The following CAMTA1 variants were observed in gnomAD, a reference collection of about 807,000 sequenced individuals.
CAMTA1 encodes calmodulin-binding transcription activator 1.
CAMTA1 carries 27 observed loss-of-function variants against 170.9 expected under a neutral mutation model. The ratio of observed to expected loss-of-function variants is 0.16; its 90% CI spans 0.12 to 0.22. The LOEUF (loss-of-function observed/expected upper bound fraction) is 0.22. Among genes scored for constraint, CAMTA1 ranks in the 10% least tolerant of loss-of-function variants. The pLI, the probability that CAMTA1 is intolerant of heterozygous loss-of-function variation, is 1.00. For missense variants in CAMTA1, 1,619 were observed against 2,217.2 expected (o/e 0.73, Z 5.42); for synonymous variants, 833 against 891.5 (o/e 0.93, Z 1.17).
intron 3 of CAMTA1, among the ~76,000 whole-genome samples, chr1:7,056,389 G>T (rs1707327520): frequency 6.6e-6 from 1 of 151,954 alleles, no homozygotes; most frequent in Non-Finnish European, 1.5e-5. Flanking sequence ...GGTGGGAAGG[G>T]GGCTCATGAG....
intron 5 of CAMTA1, among the ~76,000 whole-genome samples, chr1:7,427,310 A>G (rs1373323108): frequency 6.6e-6 from 1 of 152,214 alleles, no homozygotes; most frequent in Admixed American, 6.5e-5. Context: ...TTAAGAGATT[A>G]ATGCTTAGCT....
At chr1:6,786,688 T>G (rs976161199) in intron 1 of CAMTA1, among the ~76,000 whole-genome samples, 4 of 152,192 alleles carry the variant, frequency 2.6e-5, no homozygotes, top group African/African-American at 9.6e-5. Flanking sequence ...TGAGTTGCCC[T>G]CCTTTTCTTA....
At chr1:7,245,028 A>G (rs962213694) in intron 4 of CAMTA1, among the ~76,000 whole-genome samples, 4 of 151,928 alleles carry the variant, frequency 2.6e-5, no homozygotes, top group Non-Finnish European at 5.9e-5. Flanking sequence ...TGTCTGTTAG[A>G]ATATTTTTAG....
chr1:7,405,315 A>C (rs539297100), intron 5 of CAMTA1, among the ~76,000 whole-genome samples: 9 of 151,610 alleles, frequency 5.9e-5, no homozygotes, highest in African/African-American at 2.2e-4. Flanking sequence ...TCTCTCTCTG[A>C]TTTCACTATA....
chr1:7,709,394 C>T (rs1196370412), intron 11 of CAMTA1, among the ~76,000 whole-genome samples: 1 of 152,220 alleles, frequency 6.6e-6, no homozygotes, highest in Non-Finnish European at 1.5e-5. Context: ...CGTGATCCTA[C>T]TCCGTGCCTT....
chr1:7,670,829 G>A lies in CAMTA1; in HGVS notation c.2653-82G>A, dbSNP rs566288280. ...AGGGGTACAGACCCCCATCTGAGCAGTGAAGCCTCAGGGGGGCTTCCCCAT... is the reference window on the plus strand; with the variant it reads ...AGGGGTACAGACCCCCATCTGAGCAATGAAGCCTCAGGGGGGCTTCCCCAT... On this transcript the variant is annotated intron_variant, in intron 9 of 22. Transcript: ENST00000303635. The A allele has an allele frequency of 9.0e-5, 137 of 1,522,286 alleles. No homozygotes were observed. The African/African-American group carries it at 1.6e-3, about 18-fold the overall frequency. The allele number at this position is 1,522,286 out of a possible 1,614,324, so 94.3% of individuals were successfully genotyped here.
chr1:6,786,312 A>G (rs1639339537), intron 1 of CAMTA1, among the ~76,000 whole-genome samples: 1 of 151,900 alleles, frequency 6.6e-6, no homozygotes, highest in Non-Finnish European at 1.5e-5. Context: ...AGTCGTTCAC[A>G]TCCTACTCTT....
chr1:6,962,806 A>G (rs1304134839), intron 3 of CAMTA1, among the ~76,000 whole-genome samples: 1 of 51,912 alleles, frequency 1.9e-5, no homozygotes, highest in Admixed American at 2.3e-4. Context: ...GCCCGCACCC[A>G]TCTGGCTCCT....
At position 7,195,426 on chromosome 1, in the gene CAMTA1, C is replaced by T. The variant is rs963263905; in HGVS notation, c.303-54065C>T. ...GCTGAGCTTCCCTGGGCTTGGTGGC[C>T]GAGTGGAGTGAGGAGTGCAGACTCC... On this transcript the variant is annotated intron_variant, in intron 4 of 22. Coordinates refer to ENST00000303635, the MANE Select transcript of CAMTA1 (RefSeq NM_015215.4). The surrounding 1 kb of genome is among the most constrained non-coding windows in gnomAD (Gnocchi z 4.1). 5.9e-5 allele frequency among the ~76,000 whole-genome samples: 9 copies of T among 152,212 alleles called. No homozygotes were observed. Among genetic ancestry groups the T allele is most frequent in the East Asian group, 1.9e-4 (1 of 5,174 alleles).
intron 3 of CAMTA1, among the ~76,000 whole-genome samples, chr1:6,990,325 C>T (rs1417610220): frequency 6.6e-6 from 1 of 152,108 alleles, no homozygotes; most frequent in African/African-American, 2.4e-5. Context: ...TGAAAAATTT[C>T]AAACGTAAAG....
rs35095557 is a variant in CAMTA1, at chr1:7,024,028, CAAAAAA to C, written c.235-67264_235-67259del. Among the ~76,000 whole-genome samples, 5 of 96,140 alleles carry C rather than the reference CAAAAAA, an allele frequency of 5.2e-5. No homozygotes were observed. The East Asian group carries it at 8.9e-4, about 17-fold the overall frequency. The allele number at this position is 96,140 out of a possible 152,430, so 63.1% of individuals were successfully genotyped here. ...TGGGGGACAGAGCGAGACTCTGTCT[CAAAAAA>C]AAAAAAAAAAAGAAAGAAAGAAAGA... On this transcript the variant is annotated intron_variant, in intron 3 of 22. Transcript: ENST00000303635.
intron 3 of CAMTA1, among the ~76,000 whole-genome samples, chr1:7,062,811 C>A (rs1708431949): frequency 6.6e-6 from 1 of 152,202 alleles, no homozygotes; most frequent in African/African-American, 2.4e-5. Context: ...TCCTTCCTCG[C>A]CCCTCCTAGC....
intron 6 of CAMTA1, among the ~76,000 whole-genome samples, chr1:7,550,604 C>T (rs1002826520): frequency 1.3e-5 from 2 of 151,594 alleles, no homozygotes; most frequent in Non-Finnish European, 2.9e-5. Context: ...GTGATCTTTT[C>T]CTACCTGGCC....
At chr1:7,651,501 AGCCACCAGGGGC>A (rs1460526771) in intron 7 of CAMTA1, among the ~76,000 whole-genome samples, 2 of 152,250 alleles carry the variant, frequency 1.3e-5, no homozygotes, top group East Asian at 3.9e-4. Context: ...CCGTTCCAGG[AGCCACCAGGGGC>A]TGAGGCAGAC....
chr1:7,053,329 C>G (rs1186396957), intron 3 of CAMTA1, among the ~76,000 whole-genome samples: 1 of 152,198 alleles, frequency 6.6e-6, no homozygotes, highest in African/African-American at 2.4e-5. Context: ...AGAGCTTCAT[C>G]GAAGCTCTAT....
chr1:7,279,115 G>A (rs568681258), intron 5 of CAMTA1, among the ~76,000 whole-genome samples: 16 of 152,300 alleles, frequency 1.1e-4, no homozygotes, highest in Non-Finnish European at 1.8e-4. Flanking sequence ...CAGAGCCTGA[G>A]GGGGCTGGTG....
At chr1:7,568,102 TCAC>T (rs1303775895) in intron 6 of CAMTA1, among the ~76,000 whole-genome samples, 2 of 151,914 alleles carry the variant, frequency 1.3e-5, no homozygotes, top group Non-Finnish European at 2.9e-5. Context: ...ATCATCATCA[TCAC>T]CACCACCATC....
At chr1:7,499,835 T>C in intron 6 of CAMTA1, among the ~76,000 whole-genome samples, 1 of 147,028 alleles carries the variant, frequency 6.8e-6, no homozygotes, top group Non-Finnish European at 1.5e-5. Flanking sequence ...CATATGTATG[T>C]GTGTGTGCAT....
intron 6 of CAMTA1, among the ~76,000 whole-genome samples, chr1:7,567,668 A>G (rs546256816): frequency 6.6e-6 from 1 of 152,214 alleles, no homozygotes; most frequent in African/African-American, 2.4e-5. Context: ...ATGAAAATGC[A>G]CATCCTCAGG....
Sources: gnomAD v4.1 joint callset for allele counts (sites outside exome capture counted in the v4.1 genomes callset) on GRCh38, gnomAD v4.1.1 for gene constraint, Gnocchi (gnomAD v3.1) non-coding constraint, MANE v1.5 for transcripts, NCBI Gene and HGNC (gene_info 2026-07-23, HGNC 2026-07-21) for gene names.